Variants in NLGN1 observed in about 807,000 individuals in gnomAD.
NLGN1 encodes the protein neuroligin-1.
A neutral mutation model predicts 65.5 loss-of-function variants in NLGN1; 12 were observed. That is an observed-to-expected ratio of 0.18 (90% CI 0.12 to 0.30). The LOEUF (loss-of-function observed/expected upper bound fraction) is 0.30, where lower values mean the gene tolerates loss of function less well. Ranked by LOEUF, NLGN1 falls within the 10% of genes least tolerant of loss-of-function variation. NLGN1 has a pLI of 1.00. For synonymous variants in NLGN1, 350 were observed against 359.5 expected (o/e 0.97, Z 0.30); for missense variants, 750 against 1,007.1 (o/e 0.74, Z 3.46).
In NLGN1 at chr3:173,493,513, A is replaced by G. The variant is rs966024962; in HGVS notation, c.-321+58435A>G. On this transcript the variant is annotated intron_variant, in intron 2 of 6. Transcript: ENST00000457714. ...GTGATGTATGTTAGTTAATATATGT[A>G]TTTAATAATACTATAATAGCTAACA... 5.3e-5 allele frequency among the ~76,000 whole-genome samples: 8 copies of G among 151,922 alleles called. No homozygotes were observed. In the South Asian group the frequency reaches 1.0e-3, roughly 20 times the overall value.
At chr3:173,691,186 C>T (rs986852052) in intron 3 of NLGN1, among the ~76,000 whole-genome samples, 1 of 152,074 alleles carries the variant, frequency 6.6e-6, no homozygotes, top group Non-Finnish European at 1.5e-5. Context: ...TTTGCTCATG[C>T]TGTTTTCCCA....
At chr3:174,064,761 A>G (rs7649394) in intron 4 of NLGN1, among the ~76,000 whole-genome samples, 4,071 of 150,836 alleles carry the variant, frequency 0.027, 77 homozygotes, top group African/African-American at 0.037. Flanking sequence ...GTTAGAAGTA[A>G]AAGAAATAGT....
intron 4 of NLGN1, among the ~76,000 whole-genome samples, chr3:173,814,477 A>G (rs375323421): frequency 6.6e-6 from 1 of 152,340 alleles, no homozygotes; most frequent in African/African-American, 2.4e-5. Flanking sequence ...GATATTTTGC[A>G]AAGTTGACTG....
intron 4 of NLGN1, among the ~76,000 whole-genome samples, chr3:173,832,266 T>C (rs1722745412): frequency 6.6e-6 from 1 of 152,212 alleles, no homozygotes; most frequent in African/African-American, 2.4e-5. Flanking sequence ...ACCTGGCCTT[T>C]ACTTCATTCT....
intron 4 of NLGN1, among the ~76,000 whole-genome samples, chr3:173,851,996 G>C (rs945469397): frequency 6.6e-6 from 1 of 151,482 alleles, no homozygotes; most frequent in African/African-American, 2.4e-5. Context: ...TTTATGTGGG[G>C]CTTAAAACAT....
intron 3 of NLGN1, among the ~76,000 whole-genome samples, chr3:173,613,338 T>C (rs1170791555): frequency 6.6e-6 from 1 of 152,138 alleles, no homozygotes; most frequent in Non-Finnish European, 1.5e-5. Context: ...CAAAACTCAA[T>C]GTGATAGCTC....
At chr3:174,191,582 A>C (rs1462849603) in intron 4 of NLGN1, among the ~76,000 whole-genome samples, 1 of 152,152 alleles carries the variant, frequency 6.6e-6, no homozygotes, top group Non-Finnish European at 1.5e-5. Context: ...TGAAACTACA[A>C]ATCACATGCT....
chr3:173,833,860 C>T (rs561459502), intron 4 of NLGN1, among the ~76,000 whole-genome samples: 2 of 152,114 alleles, frequency 1.3e-5, no homozygotes, highest in Non-Finnish European at 2.9e-5. Context: ...GTTATATAGT[C>T]AAATATACAT....
At chr3:174,214,853 T>A (rs2152798796) in intron 4 of NLGN1, among the ~76,000 whole-genome samples, 1 of 152,226 alleles carries the variant, frequency 6.6e-6, no homozygotes, top group East Asian at 1.9e-4. Flanking sequence ...AAGATGCTGG[T>A]TCTTAGGACA....
At chr3:173,744,145 A>G (rs1200808615) in intron 3 of NLGN1, among the ~76,000 whole-genome samples, 1 of 152,150 alleles carries the variant, frequency 6.6e-6, no homozygotes, top group African/African-American at 2.4e-5. Flanking sequence ...CACTTTAGTT[A>G]TGAAACCTAA....
chr3:174,211,903 G>T (rs1441711805), intron 4 of NLGN1, among the ~76,000 whole-genome samples: 1 of 152,102 alleles, frequency 6.6e-6, no homozygotes, highest in African/African-American at 2.4e-5. Context: ...AGCCCAGCTG[G>T]CTTCACCCAG....
At chr3:173,964,186 T>G (rs1455449329) in intron 4 of NLGN1, among the ~76,000 whole-genome samples, 1 of 152,130 alleles carries the variant, frequency 6.6e-6, no homozygotes, top group Admixed American at 6.5e-5. Context: ...ATGACAGTGA[T>G]GCTTGAAGGA....
At chr3:173,833,660 G>A (rs779096833) in intron 4 of NLGN1, among the ~76,000 whole-genome samples, 2 of 151,916 alleles carry the variant, frequency 1.3e-5, no homozygotes, top group African/African-American at 4.8e-5. Flanking sequence ...CTGGGTCTGC[G>A]GGCATGCACC....
intron 4 of NLGN1, among the ~76,000 whole-genome samples, chr3:173,897,358 T>C (rs1293240888): frequency 6.6e-6 from 1 of 152,224 alleles, no homozygotes; most frequent in Admixed American, 6.5e-5. Flanking sequence ...TAAAATTTGG[T>C]ATCTTCCCTT....
At chr3:173,861,392 A>G (rs1222210351) in intron 4 of NLGN1, among the ~76,000 whole-genome samples, 1 of 151,988 alleles carries the variant, frequency 6.6e-6, no homozygotes, top group Non-Finnish European at 1.5e-5. Flanking sequence ...AAAAGAAATA[A>G]CAGAATCTAG....
intron 4 of NLGN1, among the ~76,000 whole-genome samples, chr3:174,215,286 T>G (rs1203784651): frequency 3.3e-5 from 5 of 152,210 alleles, no homozygotes; most frequent in African/African-American, 1.2e-4. Context: ...CATATAGGCC[T>G]CTGGTATGCT....
intron 2 of NLGN1, among the ~76,000 whole-genome samples, chr3:173,474,558 G>T (rs542074241): frequency 3.9e-4 from 60 of 152,244 alleles, no homozygotes; most frequent in African/African-American, 1.3e-3. Flanking sequence ...CTAATATGAG[G>T]TTATTCTGAC....
chr3:174,006,474 A>G (rs1020853528), intron 4 of NLGN1, among the ~76,000 whole-genome samples: 5 of 152,094 alleles, frequency 3.3e-5, no homozygotes, highest in African/African-American at 4.8e-5. Context: ...GATCTATCCA[A>G]TCTCTTCCTC....
chr3:174,252,917 A>G (rs1745035493), intron 4 of NLGN1, among the ~76,000 whole-genome samples: 1 of 152,188 alleles, frequency 6.6e-6, no homozygotes, highest in Non-Finnish European at 1.5e-5. Context: ...AAATTGAGTA[A>G]CTAGCAGAGT....
Sources: allele counts gnomAD v4.1 joint callset (sites outside exome capture counted in the v4.1 genomes callset), GRCh38; gene constraint gnomAD v4.1.1; transcripts MANE v1.5; gene names NCBI Gene and HGNC (gene_info 2026-07-23, HGNC 2026-07-21).